The following PTPN22 variants were observed in gnomAD, a reference collection of about 807,000 sequenced individuals.
PTPN22 encodes tyrosine-protein phosphatase non-receptor type 22.
PTPN22 carries 85 observed loss-of-function variants against 103.3 expected under a neutral mutation model. The ratio of observed to expected loss-of-function variants is 0.82; its 90% CI spans 0.69 to 0.99. The LOEUF (loss-of-function observed/expected upper bound fraction) is 0.99, where lower values mean the gene tolerates loss of function less well. Ranked by LOEUF, PTPN22 falls within the 50% of genes least tolerant of loss-of-function variation. The pLI, the probability that PTPN22 is intolerant of heterozygous loss-of-function variation, is 0.00. For synonymous variants in PTPN22, 323 were observed against 310.2 expected (o/e 1.04, Z -0.43); for missense variants, 865 against 936.9 (o/e 0.92, Z 1.00).
At chr1:113,848,650 C>T (rs1337683971) in intron 10 of PTPN22, 24 bp from the exon 11 acceptor site, 2 of 1,585,138 alleles carry the variant, frequency 1.3e-6, no homozygotes, top group Admixed American at 2.0e-5. Flanking sequence ...CAACCCAGAA[C>T]AAATGAAAAC....
intron 1 of PTPN22, among the ~76,000 whole-genome samples, chr1:113,862,799 T>C (rs1665731265): frequency 6.6e-6 from 1 of 152,064 alleles, no homozygotes; most frequent in Admixed American, 6.6e-5. Flanking sequence ...ATACCAAGCC[T>C]CCATCAGGAC....
exon 4 of PTPN22, chr1:113,858,545 G>T: frequency 6.2e-7 from 1 of 1,600,838 alleles, no homozygotes; most frequent in Non-Finnish European, 8.5e-7. Context: ...ACCCTGGGTG[G>T]CAATATAAGC....
rs894010114 is a variant in PTPN22, at chr1:113,853,859, C to CTTTTTTTTTTTT, written c.750+600_750+611dup. Among the ~76,000 whole-genome samples the CTTTTTTTTTTTT allele has an allele frequency of 1.0e-4, 7 of 67,170 alleles. 1 individual carries two copies. The highest frequency in any genetic ancestry group is 3.9e-4 in the African/African-American group (6 of 15,230). The allele number at this position is 67,170 out of a possible 152,430, so 44.1% of individuals were successfully genotyped here. A position where few individuals can be genotyped will look rare whatever the true frequency, so the allele number is the denominator to read the frequency against. ...ACCATGCCTGGCTAATTTTTTTTTG[C>CTTTTTTTTTTTT]TTTTTTTTTTTTTTTTTTTTTTTTG... On this transcript the variant is annotated intron_variant, in intron 9 of 20. Transcript: ENST00000359785.
intron 11 of PTPN22, among the ~76,000 whole-genome samples, chr1:113,839,136 G>C (rs1273848112): frequency 6.6e-6 from 1 of 152,098 alleles, no homozygotes; most frequent in African/African-American, 2.4e-5. Flanking sequence ...ATTTTGCATG[G>C]CTGGCTCCTT....
chr1:113,858,644 T>A (rs1665290663), intron 3 of PTPN22, 71 bp from the exon 4 acceptor site: 8 of 189,304 alleles, frequency 4.2e-5, no homozygotes, highest in Non-Finnish European at 7.3e-5. Flanking sequence ...CTCCGCTTCC[T>A]TTTTTTTTTT....
In PTPN22 at chr1:113,819,674, A is replaced by G; in HGVS notation, c.2282-20T>C. 2 of 1,533,768 alleles carry G rather than the reference A, an allele frequency of 1.3e-6. No homozygotes were observed. Among genetic ancestry groups the G allele is most frequent in the Non-Finnish European group, 1.8e-6 (2 of 1,116,200 alleles). On this transcript the variant is annotated intron_variant, in intron 19 of 20. Coordinates refer to ENST00000359785, the Ensembl canonical transcript of PTPN22. ...AGATACCTAGAATCAAAAGAAAAAA[A>G]TATAAGGGAAAGACTAAAGACAGAC...
intron 20 of PTPN22, among the ~76,000 whole-genome samples, chr1:113,818,135 G>A (rs1661306705): frequency 6.6e-6 from 1 of 151,722 alleles, no homozygotes; most frequent in African/African-American, 2.4e-5. Flanking sequence ...TTAGCTAAAT[G>A]ATTTCATATA....
At chr1:113,826,419 G>T (rs1424962077) in intron 18 of PTPN22, among the ~76,000 whole-genome samples, 1 of 150,374 alleles carries the variant, frequency 6.7e-6, no homozygotes, top group Non-Finnish European at 1.5e-5. Context: ...GGAAGGGAAG[G>T]GAAGGGAAGG....
At chr1:113,864,282 T>C (rs776439130) in intron 1 of PTPN22, 2 of 451,856 alleles carry the variant, frequency 4.4e-6, no homozygotes, top group South Asian at 3.1e-5. Context: ...CTCAGCACTT[T>C]GGGAGGCTGA....
intron 16 of PTPN22, among the ~76,000 whole-genome samples, chr1:113,832,290 C>T (rs1229867640): frequency 6.6e-6 from 1 of 152,132 alleles, no homozygotes; most frequent in Non-Finnish European, 1.5e-5. Flanking sequence ...CAGGTTCAAG[C>T]GATTCTCCTG....
intron 10 of PTPN22, among the ~76,000 whole-genome samples, chr1:113,849,759 T>C (rs1160306296): frequency 1.3e-5 from 2 of 151,944 alleles, no homozygotes; most frequent in Non-Finnish European, 2.9e-5. Flanking sequence ...CTGATAATTT[T>C]TGTATTTTTT....
chr1:113,846,181 C>A (rs528086834), intron 11 of PTPN22, among the ~76,000 whole-genome samples: 1 of 151,986 alleles, frequency 6.6e-6, no homozygotes, highest in South Asian at 2.1e-4. Flanking sequence ...TTTTTGTTTT[C>A]TCTTTATTCT....
intron 1 of PTPN22, among the ~76,000 whole-genome samples, chr1:113,867,963 A>G (rs1666253256): frequency 1.3e-5 from 2 of 152,218 alleles, no homozygotes; most frequent in South Asian, 4.1e-4. Flanking sequence ...ATTTACACAT[A>G]CTATACATGA....
At chr1:113,825,594 G>C (rs896756250) in intron 18 of PTPN22, among the ~76,000 whole-genome samples, 11 of 152,158 alleles carry the variant, frequency 7.2e-5, no homozygotes, top group Non-Finnish European at 1.5e-4. Flanking sequence ...GCTGAGGCGG[G>C]AGGTCTGCTT....
At chr1:113,840,022 G>A (rs573141996) in intron 11 of PTPN22, among the ~76,000 whole-genome samples, 2 of 152,132 alleles carry the variant, frequency 1.3e-5, no homozygotes, top group South Asian at 4.2e-4. Context: ...AACCAGCCTG[G>A]CCAACATGGT....
chr1:113,816,025 G>T (rs1661118816), intron 20 of PTPN22, among the ~76,000 whole-genome samples: 1 of 152,146 alleles, frequency 6.6e-6, no homozygotes, highest in Non-Finnish European at 1.5e-5. Flanking sequence ...CAACTTTAGG[G>T]ACTTAAAGTA....
chr1:113,862,515 C>T (rs1330522579), intron 1 of PTPN22, among the ~76,000 whole-genome samples: 1 of 151,966 alleles, frequency 6.6e-6, no homozygotes, highest in Non-Finnish European at 1.5e-5. Flanking sequence ...TCTAGAAATT[C>T]GGATTGAGTC....
At chr1:113,861,260 A>G (rs961855077) in intron 1 of PTPN22, among the ~76,000 whole-genome samples, 3 of 151,760 alleles carry the variant, frequency 2.0e-5, no homozygotes, top group African/African-American at 7.3e-5. Context: ...TTTGTTTTTG[A>G]GACAAAGTCT....
intron 10 of PTPN22, among the ~76,000 whole-genome samples, chr1:113,848,960 C>T (rs922515736): frequency 3.3e-5 from 5 of 151,090 alleles, no homozygotes; most frequent in African/African-American, 1.2e-4. Flanking sequence ...CCCTTGCTCA[C>T]ATTAAAAAAA....
Sources: gnomAD v4.1 joint callset for allele counts (sites outside exome capture counted in the v4.1 genomes callset) on GRCh38, gnomAD v4.1.1 for gene constraint, MANE v1.5 for transcripts, NCBI Gene and HGNC (gene_info 2026-07-23, HGNC 2026-07-21) for gene names.